Variants in ANKRD60 observed in about 807,000 individuals in gnomAD.
ANKRD60 encodes ankyrin repeat domain-containing protein 60.
In ANKRD60, 24 loss-of-function variants were observed where a neutral mutation model predicts 21.3. The observed-to-expected ratio is 1.13, with a 90% CI of 0.82 to 1.59. ANKRD60 has a LOEUF of 1.59. ANKRD60 is among the 40% of genes most tolerant of loss of function. ANKRD60 has a pLI of 0.00. For missense variants in ANKRD60, 490 were observed against 466.7 expected, an observed-to-expected ratio of 1.05 and a Z score of -0.46; for synonymous variants, 182 against 199.4, an observed-to-expected ratio of 0.91 and a Z score of 0.74.
intron 1 of ANKRD60, among the ~76,000 whole-genome samples, chr20:58,223,760 G>T (rs144833400): frequency 1.1e-3 from 173 of 152,194 alleles, no homozygotes; most frequent in Middle Eastern, 0.01. Context: ...CAGCTTCCCG[G>T]CCTCTACCCA....
chr20:58,218,553 G>A, exon 4 of ANKRD60: 1 of 1,551,742 alleles, frequency 6.4e-7, no homozygotes, highest in Non-Finnish European at 8.7e-7. Context: ...CCTCTGCAAA[G>A]CATTCTTCAT....
chr20:58,228,537 G>A lies in ANKRD60; in HGVS notation c.117C>T (p.Ser39=), dbSNP rs1174370703. The change falls in exon 1 of 4, where the codon AGC becomes AGT. Residue 39 remains serine (S), a synonymous_variant. Transcript: ENST00000457363. The surrounding 1 kb of genome is among the most constrained non-coding windows in gnomAD (Gnocchi z 5.3). The stretch of plus-strand genomic sequence containing the variant: ...ACCCCTGAGCCCCGGCCCGCGCACC[G>A]CTCCTGCGTCCCGCATTGGGGTGCA... 4.5e-6 allele frequency: 6 copies of A among 1,326,488 alleles called. No individual in the cohort carries two copies. The highest frequency in any genetic ancestry group is 4.0e-5 in the South Asian group (2 of 50,038). The allele number at this position is 1,326,488 out of a possible 1,614,324, so 82.2% of individuals were successfully genotyped here.
exon 2 of ANKRD60, chr20:58,223,099 C>T (rs899988816): frequency 1.3e-5 from 20 of 1,551,796 alleles, no homozygotes; most frequent in East Asian, 9.8e-5. Context: ...TCTGTCCATC[C>T]GTCATGATGC....
rs6128294 is a variant in ANKRD60 at position 58,225,910 on chromosome 20, C to T, written c.430+2314G>A. On this transcript the variant is annotated intron_variant, in intron 1 of 3. Transcript: ENST00000457363. Reference sequence around the variant, plus strand: ...TAGGGAATCGGGATAGGGAAAGCCACGCCTTCGGGTCAGGGAAGGAGACTG... The same window carrying T: ...TAGGGAATCGGGATAGGGAAAGCCATGCCTTCGGGTCAGGGAAGGAGACTG... Among the ~76,000 whole-genome samples the T allele has an allele frequency of 0.01, 1,551 of 152,268 alleles. 103 individuals are homozygous for T. In the East Asian group the frequency reaches 0.19, roughly 19 times the overall value.
intron 2 of ANKRD60, 126 bp downstream of exon 2, chr20:58,222,926 C>G: frequency 8.4e-7 from 1 of 1,192,314 alleles, no homozygotes; most frequent in Non-Finnish European, 1.1e-6. Context: ...TATGACACGG[C>G]TCATCGTTCT....
downstream of ANKRD60, among the ~76,000 whole-genome samples, chr20:58,216,908 T>G (rs1413148): frequency 5.3e-5 from 8 of 152,068 alleles, no homozygotes; most frequent in Non-Finnish European, 8.8e-5. Context: ...CTGTGGGAGG[T>G]GGGAGAGTGG....
chr20:58,220,018 G>T (rs538949425), intron 3 of ANKRD60, among the ~76,000 whole-genome samples: 1 of 152,186 alleles, frequency 6.6e-6, no homozygotes, highest in East Asian at 1.9e-4. Context: ...CCCGATGCAC[G>T]GCCCAATCAT....
chr20:58,223,114 T>TG lies in ANKRD60; in HGVS notation c.498_499insC (p.Ile167HisfsTer5). ...TCTGTCCATCCGTCATGATGCCAGA[T>TG]ACATAATGAAATAATCCCTCCAGGA... On this transcript the variant is annotated frameshift_variant, in exon 2 of 4. Transcript: ENST00000457363. LOFTEE classifies it high-confidence loss of function. 9 of 1,551,800 alleles carry TG rather than the reference T, an allele frequency of 5.8e-6. No individual in the cohort carries two copies. The South Asian group carries it at 8.3e-5, about 14-fold the overall frequency.
intron 1 of ANKRD60, among the ~76,000 whole-genome samples, chr20:58,225,137 G>A (rs1600685021): frequency 1.3e-5 from 2 of 152,336 alleles, no homozygotes; most frequent in South Asian, 2.1e-4. Context: ...GAGAGGTCGA[G>A]CTTCTAACAG....
downstream of ANKRD60, among the ~76,000 whole-genome samples, chr20:58,217,343 C>T (rs1056012337): frequency 6.6e-6 from 1 of 151,910 alleles, no homozygotes; most frequent in Non-Finnish European, 1.5e-5. Context: ...GCAGGAGAAT[C>T]GCTTGAACCC....
chr20:58,221,450 T>C (rs1984250946), exon 3 of ANKRD60: 1 of 1,552,124 alleles, frequency 6.4e-7, no homozygotes, highest in Non-Finnish European at 8.7e-7. Context: ...CCTCAAAATG[T>C]TCTGAATTTG....
chr20:58,223,864 G>A (rs893723503), intron 1 of ANKRD60, among the ~76,000 whole-genome samples: 20 of 152,182 alleles, frequency 1.3e-4, no homozygotes, highest in Admixed American at 1.1e-3. Flanking sequence ...AGCACTTTGG[G>A]AGGCTGAGGT....
At chr20:58,224,723 A>G (rs1466663641) in intron 1 of ANKRD60, among the ~76,000 whole-genome samples, 4 of 152,246 alleles carry the variant, frequency 2.6e-5, no homozygotes, top group Non-Finnish European at 5.9e-5. Flanking sequence ...TACAACTTTG[A>G]AAATATTGAG....
In ANKRD60 at chr20:58,228,189, C is replaced by A; in HGVS notation, c.430+35G>T. 3 of 1,516,540 alleles carry A rather than the reference C, an allele frequency of 2.0e-6. No homozygotes were observed. Among genetic ancestry groups the A allele is most frequent in the South Asian group, 2.5e-5 (2 of 79,078 alleles). The allele number at this position is 1,516,540 out of a possible 1,614,324, so 93.9% of individuals were successfully genotyped here. ...TTCAGAAGTGGACAGGGTGCCCTTG[C>A]ATGTGGCCAGGGAAGGAGTCAGGGC... On this transcript the variant is annotated intron_variant, in intron 1 of 3. Transcript: ENST00000457363. This position sits in a 1 kb window ranked among gnomAD's most constrained non-coding sequence, Gnocchi z 5.3.
chr20:58,220,683 AGT>A (rs36015489), intron 3 of ANKRD60, among the ~76,000 whole-genome samples: 17,908 of 147,764 alleles, frequency 0.12, 1,479 homozygotes, highest in African/African-American at 0.24. Flanking sequence ...GGTTTTTTCT[AGT>A]GTGTGTGTGT....
At chr20:58,223,389 A>G (rs1437353736) in intron 1 of ANKRD60, among the ~76,000 whole-genome samples, 2 of 152,214 alleles carry the variant, frequency 1.3e-5, no homozygotes, top group East Asian at 3.8e-4. Flanking sequence ...CTCAGATGGA[A>G]GCCGAACAAA....
At chr20:58,217,412 G>C (rs902848988), downstream of ANKRD60, among the ~76,000 whole-genome samples, 3 of 151,610 alleles carry the variant, frequency 2.0e-5, no homozygotes, top group South Asian at 2.1e-4. Flanking sequence ...CTGGGCAATA[G>C]AGCAAGACTC....
chr20:58,228,616 G>A lies in ANKRD60; in HGVS notation c.38C>T (p.Ala13Val), dbSNP rs1984423060. 2 of 975,302 alleles carry A rather than the reference G, an allele frequency of 2.1e-6. No individual in the cohort carries two copies. Among genetic ancestry groups the A allele is most frequent in the Non-Finnish European group, 2.4e-6 (2 of 818,530 alleles). 60.4% of individuals were successfully genotyped at this position (975,302 alleles called of 1,614,324 possible). Reference sequence around the variant, plus strand: ...CGCCCGCGCTCCGCCCGCCCCCGCCGCCGCCCGCCGCATCCCCCAGGCGCG... The same window carrying A: ...CGCCCGCGCTCCGCCCGCCCCCGCCACCGCCCGCCGCATCCCCCAGGCGCG... Residue 13 changes from alanine to valine, a missense_variant, in exon 1 of 4, where the codon GCG becomes GTG. Transcript: ENST00000457363. The surrounding 1 kb of genome is among the most constrained non-coding windows in gnomAD (Gnocchi z 5.3).
chr20:58,227,648 A>G (rs572798347), intron 1 of ANKRD60, among the ~76,000 whole-genome samples: 3 of 151,972 alleles, frequency 2.0e-5, no homozygotes, highest in Admixed American at 6.6e-5. Context: ...GGTTTGTTTC[A>G]GGTTTGGCAT....
Sources: allele counts gnomAD v4.1 joint callset (sites outside exome capture counted in the v4.1 genomes callset), GRCh38; gene constraint gnomAD v4.1.1; non-coding constraint Gnocchi (gnomAD v3.1); transcripts MANE v1.5; gene names NCBI Gene and HGNC (gene_info 2026-07-23, HGNC 2026-07-21).